Variants in USP20 observed in about 807,000 individuals in gnomAD.
USP20 encodes the protein ubiquitin specific peptidase 20.
A neutral mutation model predicts 124.2 loss-of-function variants in USP20; 80 were observed. That is an observed-to-expected ratio of 0.64 (90% confidence interval 0.54 to 0.78). The LOEUF is 0.78. Ranked by LOEUF, USP20 falls within the 30% of genes least tolerant of loss-of-function variation. The probability of loss-of-function intolerance (pLI) is 0.00; values close to 1 mark genes in which losing one functional copy is unlikely to be tolerated. For synonymous variants in USP20, 481 were observed against 512.3 expected (o/e 0.94, Z 0.83); for missense variants, 1,043 against 1,244.4 (o/e 0.84, Z 2.44).
Position 129,876,120 on chromosome 9 carries a change from C to A in USP20, c.2301-10C>A. ...TCAGGCCGTGTCTCTCTCTCCCACC[C>A]TGGGCACAGATTCGGGGGTGGCCCC... On this transcript the variant is annotated splice_polypyrimidine_tract_variant and intron_variant, in intron 21 of 25. Transcript: ENST00000372429. 2 of 1,611,050 alleles carry A rather than the reference C, an allele frequency of 1.2e-6. No individual in the cohort carries two copies. Among genetic ancestry groups the A allele is most frequent in the Non-Finnish European group, 1.7e-6 (2 of 1,178,688 alleles).
At chr9:129,875,768 A>G in intron 21 of USP20, 127 bp downstream of exon 21, 1 of 873,406 alleles carries the variant, frequency 1.1e-6, no homozygotes, top group Admixed American at 2.7e-5. Flanking sequence ...CGTGGGCAGC[A>G]CAGAGCCGCC....
At chr9:129,876,673 G>A (rs1056031404) in intron 22 of USP20, among the ~76,000 whole-genome samples, 2 of 151,498 alleles carry the variant, frequency 1.3e-5, no homozygotes, top group African/African-American at 4.8e-5. Flanking sequence ...AAAGAAAGGA[G>A]TCTTCTGCGG....
chr9:129,867,977 G>T (rs1330357518), intron 10 of USP20, 28 bp from the exon 11 acceptor site: 2 of 1,594,634 alleles, frequency 1.3e-6, no homozygotes, highest in Non-Finnish European at 1.7e-6. Flanking sequence ...CTCCAGGGGA[G>T]CCCTGTTGAT....
rs1427630738 is a variant in USP20 at position 129,879,671 on chromosome 9, C to T, written c.2584+27C>T. ...TGAGTTCCCCCTGGGGTCAGCCAGG[C>T]TCCTCTCTGCCCTTCCTGGCTGCCA... On this transcript the variant is annotated intron_variant, in intron 24 of 25. Coordinates refer to ENST00000372429, the MANE Select transcript of USP20 (RefSeq NM_001110303.4). The surrounding 1 kb of genome is among the most constrained non-coding windows in gnomAD (Gnocchi z 4.2). The T allele has an allele frequency of 3.1e-6, 5 of 1,612,526 alleles. No individual in the cohort carries two copies. The South Asian group carries it at 3.3e-5, about 11-fold the overall frequency.
intron 6 of USP20, 27 bp downstream of exon 6, chr9:129,858,625 G>T: frequency 6.2e-7 from 1 of 1,609,584 alleles, no homozygotes; most frequent in Non-Finnish European, 8.5e-7. Context: ...GCTCTGTTTG[G>T]TTGTTGGTGA....
At position 129,852,071 on chromosome 9, in the gene USP20, A is replaced by G. The variant is rs546713006; in HGVS notation, c.-16-469A>G. 7.9e-5 allele frequency among the ~76,000 whole-genome samples: 12 copies of G among 152,284 alleles called. No homozygotes were observed. The South Asian group carries it at 8.3e-4, about 11-fold the overall frequency. ...CCTCCAGAGGCTCTTGAGAAGACCT[A>G]TGTCAACATCTGCTGCTTGCCTTTT... is the stretch of plus-strand genomic sequence containing the variant. On this transcript the variant is annotated intron_variant, in intron 2 of 25. Coordinates refer to ENST00000372429, the MANE Select transcript of USP20 (RefSeq NM_001110303.4).
intron 1 of USP20, among the ~76,000 whole-genome samples, chr9:129,847,080 A>G (rs549476848): frequency 6.6e-6 from 1 of 152,344 alleles, no homozygotes; most frequent in African/African-American, 2.4e-5. Context: ...GCTGTTGCAC[A>G]TAATGCAGCT....
rs1468469293 is a variant in USP20 at position 129,869,303 on chromosome 9, T to G, written c.1277-7T>G. The G allele has an allele frequency of 6.2e-7, 1 of 1,611,238 alleles. No individual in the cohort carries two copies. The highest frequency in any genetic ancestry group is 2.2e-5 in the East Asian group (1 of 44,872). On this transcript the variant is annotated splice_polypyrimidine_tract_variant and splice_region_variant and intron_variant, in intron 12 of 25. Transcript: ENST00000372429. ...GAGGCTGGGCTAGTCCTGTGCTGTGTCCCCAGCCCAGGTATTGAGTGCTGG... is the reference window on the plus strand; with the variant it reads ...GAGGCTGGGCTAGTCCTGTGCTGTGGCCCCAGCCCAGGTATTGAGTGCTGG...
In USP20 at chr9:129,851,258, C is replaced by CT. The variant is rs35791819; in HGVS notation, c.-16-1263dup. ...CCCCTAATGGTAAGAATAACACATACTTTTTTTTTTTTTTTTTTTGAGATG... is the reference window on the plus strand; with the variant it reads ...CCCCTAATGGTAAGAATAACACATACTTTTTTTTTTTTTTTTTTTTGAGATG... On this transcript the variant is annotated intron_variant, in intron 2 of 25. Transcript: ENST00000372429. 4.1e-3 allele frequency among the ~76,000 whole-genome samples: 523 copies of CT among 126,198 alleles called. 2 individuals carry two copies. Among genetic ancestry groups the CT allele is most frequent in the Middle Eastern group, 8.5e-3 (2 of 234 alleles). The allele number at this position is 126,198 out of a possible 152,430, so 82.8% of individuals were successfully genotyped here.
In USP20 at chr9:129,876,148, C is replaced by T. The variant is rs767699939; in HGVS notation, c.2319C>T (p.Ala773=). 9.9e-6 allele frequency: 16 copies of T among 1,613,138 alleles called. No homozygotes were observed. The highest frequency in any genetic ancestry group is 5.0e-5 in the Admixed American group (3 of 59,994). The change falls in exon 22 of 26, where the codon GCC becomes GCT. Residue 773 remains alanine (A), a synonymous_variant. Coordinates refer to ENST00000372429, the MANE Select transcript of USP20 (RefSeq NM_001110303.4). ...GGCACAGATTCGGGGGTGGCCCCGCCGTGAACCACCTGTACGTGTGCTCCA... is the reference window on the plus strand; with the variant it reads ...GGCACAGATTCGGGGGTGGCCCCGCTGTGAACCACCTGTACGTGTGCTCCA... ...HLYNRFGGGP[A]VNHLYVCSIC...
chr9:129,869,649 C>T (rs1477935954), intron 13 of USP20, 23 bp from the exon 14 acceptor site: 1 of 1,612,244 alleles, frequency 6.2e-7, no homozygotes, highest in East Asian at 2.2e-5. Flanking sequence ...GGATGGGCAG[C>T]AGACTGACCT....
intron 22 of USP20, among the ~76,000 whole-genome samples, chr9:129,877,432 A>G (rs181602553): frequency 4.6e-5 from 7 of 152,264 alleles, no homozygotes; most frequent in African/African-American, 1.7e-4. Flanking sequence ...GTGAGTTGGG[A>G]GGATCACCTA....
intron 10 of USP20, among the ~76,000 whole-genome samples, chr9:129,866,200 G>A (rs2033812689): frequency 8.6e-6 from 1 of 115,700 alleles, no homozygotes; most frequent in African/African-American, 3.1e-5. Context: ...GGACGGAGTG[G>A]CAGTCATGTG....
chr9:129,842,651 T>C (rs2032290435), intron 1 of USP20, among the ~76,000 whole-genome samples: 1 of 149,358 alleles, frequency 6.7e-6, no homozygotes, highest in African/African-American at 2.5e-5. Context: ...TGGAGTGCAA[T>C]GGCGTGATCT....
rs370732998 is a variant in USP20, at chr9:129,869,015, C to T, written c.1276+13C>T. The T allele has an allele frequency of 4.7e-5, 71 of 1,509,228 alleles. No individual in the cohort carries two copies. The African/African-American group carries it at 5.1e-4, about 11-fold the overall frequency. 93.5% of individuals were successfully genotyped at this position (1,509,228 alleles called of 1,614,324 possible). The stretch of plus-strand genomic sequence containing the variant: ...GTGCTCAAGAAAGGTTCGGGGGGCA[C>T]GGGAGGGTGGGTCAGCTTGAGGCTG... On this transcript the variant is annotated intron_variant, in intron 12 of 25. Transcript: ENST00000372429.
intron 8 of USP20, among the ~76,000 whole-genome samples, chr9:129,862,113 A>C (rs1394384894): frequency 3.8e-5 from 4 of 106,458 alleles, no homozygotes. Context: ...TCTCCTACCC[A>C]GTGGAGGTTA....
At chr9:129,840,792 T>A (rs12342350) in intron 1 of USP20, among the ~76,000 whole-genome samples, 1 of 141,630 alleles carries the variant, frequency 7.1e-6, no homozygotes, top group South Asian at 2.3e-4. Flanking sequence ...TTTTTTGAGA[T>A]AGGGTCTTGC....
rs769101549 is a variant in USP20, at chr9:129,869,442, T to TG, written c.1392+23dup. ...TGTGACCGGGTGGGTGCCCCAGGGA[T>TG]GGGGGGAGCTGGGCCAGGCTGCCAG... On this transcript the variant is annotated intron_variant, in intron 13 of 25. Transcript: ENST00000372429. 3 of 1,609,316 alleles carry TG rather than the reference T, an allele frequency of 1.9e-6. No individual in the cohort carries two copies. The highest frequency in any genetic ancestry group is 2.7e-5 in the African/African-American group (2 of 74,816).
In USP20 at chr9:129,868,588, G is replaced by C. The variant is rs1336480399; in HGVS notation, c.1135+139G>C. 13 of 1,434,910 alleles carry C rather than the reference G, an allele frequency of 9.1e-6. No homozygotes were observed. The East Asian group carries it at 3.0e-4, about 33-fold the overall frequency. 88.9% of individuals were successfully genotyped at this position (1,434,910 alleles called of 1,614,324 possible). A position where few individuals can be genotyped will look rare whatever the true frequency, so the allele number is the denominator to read the frequency against. On this transcript the variant is annotated intron_variant, in intron 11 of 25. Coordinates refer to ENST00000372429, the MANE Select transcript of USP20 (RefSeq NM_001110303.4). ...AATGACAGTGGGGAAGTCAGCCTCC[G>C]GGGGGGCTCAGTGATGTGCCCAGGG...
Sources: gnomAD v4.1 joint callset for allele counts (sites outside exome capture counted in the v4.1 genomes callset) on GRCh38, gnomAD v4.1.1 for gene constraint, Gnocchi (gnomAD v3.1) non-coding constraint, MANE v1.5 for transcripts, NCBI Gene and HGNC (gene_info 2026-07-23, HGNC 2026-07-21) for gene names.